UBE2K: variants seen among roughly 807,000 people sequenced by gnomAD.
UBE2K encodes ubiquitin-conjugating enzyme E2 K.
A neutral mutation model predicts 30.0 loss-of-function variants in UBE2K; 6 were observed. That is an observed-to-expected ratio of 0.20 (90% CI 0.11 to 0.39). The LOEUF (loss-of-function observed/expected upper bound fraction) is 0.39, where lower values mean the gene tolerates loss of function less well. Ranked by LOEUF, UBE2K falls within the 10% of genes least tolerant of loss-of-function variation. The pLI is 1.00. For synonymous variants in UBE2K, 86 were observed against 83.7 expected, an observed-to-expected ratio of 1.03 and a Z score of -0.15; for missense variants, 61 against 241.6, an observed-to-expected ratio of 0.25 and a Z score of 4.96.
At chr4:39,698,452 G>C in intron 1 of UBE2K, 62 bp downstream of exon 1, 1 of 1,498,986 alleles carries the variant, frequency 6.7e-7, no homozygotes, top group Non-Finnish European at 9.1e-7. Context: ...CCTCCCAGCT[G>C]CGACCCCGAT....
At chr4:39,744,001 C>T (rs928812692) in intron 2 of UBE2K, among the ~76,000 whole-genome samples, 1 of 151,720 alleles carries the variant, frequency 6.6e-6, no homozygotes, top group Non-Finnish European at 1.5e-5. Flanking sequence ...TAGCTGGGAT[C>T]GTAGGCACAT....
intron 4 of UBE2K, chr4:39,771,044 C>T (rs1379239451): frequency 1.9e-6 from 3 of 1,612,382 alleles, no homozygotes; most frequent in South Asian, 2.2e-5. Flanking sequence ...TCTTTGAGGC[C>T]TATTTTGGGC....
intron 4 of UBE2K, among the ~76,000 whole-genome samples, chr4:39,757,692 T>G (rs1711584352): frequency 1.3e-5 from 2 of 152,340 alleles, no homozygotes; most frequent in South Asian, 4.1e-4. Context: ...AGTGTCAGTG[T>G]TTTTAATCCA....
chr4:39,722,919 C>A (rs1025321357), intron 1 of UBE2K, among the ~76,000 whole-genome samples: 1 of 151,782 alleles, frequency 6.6e-6, no homozygotes, highest in East Asian at 1.9e-4. Context: ...CCTCAGCCCC[C>A]CAAGTATCTG....
At chr4:39,774,196 C>T (rs1384702447) in intron 4 of UBE2K, among the ~76,000 whole-genome samples, 1 of 151,746 alleles carries the variant, frequency 6.6e-6, no homozygotes, top group African/African-American at 2.4e-5. Flanking sequence ...CCCAGCTACT[C>T]GTGAGGCTGA....
chr4:39,745,495 G>A lies in UBE2K; in HGVS notation c.158-257G>A, dbSNP rs1451486825. On this transcript the variant is annotated intron_variant, in intron 2 of 6. Coordinates refer to ENST00000261427, the MANE Select transcript of UBE2K (RefSeq NM_005339.5). Reference sequence around the variant, plus strand: ...ATGAAATGTTGGCATTGCATTGTCTGGATTAAATGTATTTATCTCTGGCCT... The same window carrying A: ...ATGAAATGTTGGCATTGCATTGTCTAGATTAAATGTATTTATCTCTGGCCT... 2.6e-5 allele frequency among the ~76,000 whole-genome samples: 4 copies of A among 151,964 alleles called. No individual in the cohort carries two copies. The East Asian group carries it at 5.8e-4, about 22-fold the overall frequency.
chr4:39,752,047 C>CAGT (rs529189923), intron 3 of UBE2K, among the ~76,000 whole-genome samples: 69 of 152,308 alleles, frequency 4.5e-4, no homozygotes, highest in African/African-American at 1.7e-3. Flanking sequence ...GAACCGTAAT[C>CAGT]CTTCTGACAT....
intron 4 of UBE2K, among the ~76,000 whole-genome samples, chr4:39,767,354 A>G (rs1255394853): frequency 2.7e-5 from 4 of 145,746 alleles, no homozygotes; most frequent in Non-Finnish European, 6.0e-5. Flanking sequence ...TTTGAGATGG[A>G]GTCTGGCTCT....
chr4:39,758,888 T>G (rs1257617780), intron 4 of UBE2K, among the ~76,000 whole-genome samples: 4 of 152,180 alleles, frequency 2.6e-5, no homozygotes, highest in Non-Finnish European at 5.9e-5. Flanking sequence ...GAACAAAACA[T>G]TTTTTACATC....
intron 2 of UBE2K, 91 bp from the exon 3 acceptor site, chr4:39,745,660 TA>T: frequency 1.3e-6 from 1 of 797,234 alleles, no homozygotes; most frequent in Non-Finnish European, 2.0e-6. Context: ...TAATTGAATA[TA>T]AAATAGCTGC....
At chr4:39,703,771 G>A (rs1490358708) in intron 1 of UBE2K, among the ~76,000 whole-genome samples, 2 of 150,568 alleles carry the variant, frequency 1.3e-5, no homozygotes, top group Non-Finnish European at 3.0e-5. Context: ...TGCTTGAACC[G>A]GGGAGGTGGA....
At chr4:39,717,520 C>T (rs570316781) in intron 1 of UBE2K, among the ~76,000 whole-genome samples, 3 of 152,224 alleles carry the variant, frequency 2.0e-5, no homozygotes, top group Admixed American at 6.5e-5. Context: ...TGAGCCACCA[C>T]GCCCAGCCTC....
chr4:39,709,579 T>A (rs1645652963), intron 1 of UBE2K, among the ~76,000 whole-genome samples: 1 of 152,086 alleles, frequency 6.6e-6, no homozygotes. Flanking sequence ...AATTTATAGA[T>A]TAAACTTTAT....
intron 4 of UBE2K, among the ~76,000 whole-genome samples, chr4:39,771,599 G>A (rs1712859555): frequency 6.6e-6 from 1 of 152,190 alleles, no homozygotes; most frequent in Non-Finnish European, 1.5e-5. Flanking sequence ...GCTCGCGCTG[G>A]CGGGGCCGGC....
At chr4:39,770,646 C>T (rs1018616029) in intron 4 of UBE2K, 1 of 1,595,542 alleles carries the variant, frequency 6.3e-7, no homozygotes, top group Non-Finnish European at 8.5e-7. Flanking sequence ...CAGGCTATAG[C>T]AGGCCTTCAC....
At chr4:39,735,489 T>G (rs1720328302) in intron 1 of UBE2K, among the ~76,000 whole-genome samples, 1 of 152,236 alleles carries the variant, frequency 6.6e-6, no homozygotes, top group Non-Finnish European at 1.5e-5. Flanking sequence ...CACACCATTC[T>G]CCTGCCTCAG....
chr4:39,718,644 C>A (rs1719244010), intron 1 of UBE2K, among the ~76,000 whole-genome samples: 1 of 152,232 alleles, frequency 6.6e-6, no homozygotes, highest in African/African-American at 2.4e-5. Context: ...GAGCCCTGCC[C>A]CGTGGGGAGG....
intron 5 of UBE2K, among the ~76,000 whole-genome samples, chr4:39,775,418 G>C (rs1385627850): frequency 6.6e-6 from 1 of 152,182 alleles, no homozygotes; most frequent in Non-Finnish European, 1.5e-5. Flanking sequence ...AGTTACAACG[G>C]AGACTGGACC....
At chr4:39,765,908 T>TACATACATAC (rs1712292441) in intron 4 of UBE2K, among the ~76,000 whole-genome samples, 4 of 149,640 alleles carry the variant, frequency 2.7e-5, no homozygotes, top group African/African-American at 9.9e-5. Context: ...AGGATATATA[T>TACATACATAC]ATACATACAT....
Sources: allele counts gnomAD v4.1 joint callset (sites outside exome capture counted in the v4.1 genomes callset), GRCh38; gene constraint gnomAD v4.1.1; transcripts MANE v1.5; gene names NCBI Gene and HGNC (gene_info 2026-07-23, HGNC 2026-07-21).